Variants in OSBPL9 observed in about 807,000 individuals in gnomAD.
The protein encoded by OSBPL9 is oxysterol binding protein like 9.
Under a neutral mutation model 106.6 loss-of-function variants are expected in OSBPL9, and 40 were observed. The observed-to-expected ratio is 0.38, with a 90% CI of 0.29 to 0.49. The LOEUF (loss-of-function observed/expected upper bound fraction) is 0.49. Ranked by LOEUF, OSBPL9 falls within the 20% of genes least tolerant of loss-of-function variation. OSBPL9 has a pLI of 0.97. For synonymous variants in OSBPL9, 269 were observed against 295.4 expected, an observed-to-expected ratio of 0.91 and a Z score of 0.92; for missense variants, 609 against 887.2, an observed-to-expected ratio of 0.69 and a Z score of 3.98.
chr1:51,745,678 AC>A lies in OSBPL9; in HGVS notation c.414+48del, dbSNP rs1364244234. ...TAAATTTATATAAATAGAAAATGTTACTGAGCTTGATTTTTGAGTAAAAACA... is the reference window on the plus strand; with the variant it reads ...TAAATTTATATAAATAGAAAATGTTATGAGCTTGATTTTTGAGTAAAAACA... On this transcript the variant is annotated intron_variant, in intron 5 of 23. Transcript: ENST00000428468. The A allele has an allele frequency of 4.2e-6, 6 of 1,427,240 alleles. No homozygotes were observed. In the Admixed American group the frequency reaches 9.3e-5, roughly 22 times the overall value. The allele number at this position is 1,427,240 out of a possible 1,614,324, so 88.4% of individuals were successfully genotyped here.
At chr1:51,584,197 A>G (rs1263172621) in intron 1 of OSBPL9, among the ~76,000 whole-genome samples, 1 of 152,082 alleles carries the variant, frequency 6.6e-6, no homozygotes. Context: ...AAGGTCTGGG[A>G]TTCCAAAACG....
chr1:51,525,009 A>G, the OSBPL9 span, among the ~76,000 whole-genome samples: 5 of 152,240 alleles, frequency 3.3e-5, no homozygotes, highest in Admixed American at 6.5e-5. Context: ...AAGTCAGAGG[A>G]TGGGCTGCAG....
At chr1:51,653,722 G>A (rs1396974515) in intron 2 of OSBPL9, among the ~76,000 whole-genome samples, 1 of 152,166 alleles carries the variant, frequency 6.6e-6, no homozygotes, top group Non-Finnish European at 1.5e-5. Context: ...GGACCGGCTG[G>A]GTGCTGGAGC....
intron 2 of OSBPL9, among the ~76,000 whole-genome samples, chr1:51,603,678 A>G (rs1027128540): frequency 2.0e-5 from 3 of 152,196 alleles, no homozygotes; most frequent in Admixed American, 6.5e-5. Context: ...AGATACTAGT[A>G]GTTAATATAT....
rs1292117134 is a variant in OSBPL9, at chr1:51,682,829, A to AT, written c.241+13333dup. On this transcript the variant is annotated intron_variant, in intron 3 of 23. Transcript: ENST00000428468. ...CTCTTCAACTTTATTTTCCTTTCTA[A>AT]TTTTTTTTTTTTTTTTGGCTAGGAG... Among the ~76,000 whole-genome samples the AT allele has an allele frequency of 9.4e-3, 1,332 of 142,008 alleles. 11 individuals carry two copies. Among genetic ancestry groups the AT allele is most frequent in the African/African-American group, 0.023 (891 of 38,830 alleles). The allele number at this position is 142,008 out of a possible 152,430, so 93.2% of individuals were successfully genotyped here.
At chr1:51,711,198 GC>G (rs1189646644) in intron 3 of OSBPL9, among the ~76,000 whole-genome samples, 2 of 151,096 alleles carry the variant, frequency 1.3e-5, no homozygotes, top group Non-Finnish European at 3.0e-5. Context: ...CGTCATCCTG[GC>G]CCGTTCTCAA....
chr1:51,562,072 T>C, the OSBPL9 span: 1 of 152,192 alleles, frequency 6.6e-6, no homozygotes, highest in South Asian at 2.1e-4. Flanking sequence ...TAGTATTTTG[T>C]CATTCTTCTG....
intron 20 of OSBPL9, chr1:51,784,882 T>C (rs1414176175): frequency 2.8e-6 from 1 of 359,928 alleles, no homozygotes; most frequent in Admixed American, 4.4e-5. Flanking sequence ...CCCTAATTTA[T>C]TCTTGCCAGA....
the OSBPL9 span, among the ~76,000 whole-genome samples, chr1:51,532,001 T>A: frequency 1.3e-5 from 2 of 151,698 alleles, no homozygotes; most frequent in African/African-American, 4.9e-5. Flanking sequence ...AAGGAAGGAG[T>A]GAGAAAGCAT....
At chr1:51,572,755 C>T (rs1219047737), upstream of OSBPL9, among the ~76,000 whole-genome samples, 8 of 152,080 alleles carry the variant, frequency 5.3e-5, no homozygotes, top group East Asian at 1.9e-4. Flanking sequence ...GGAAGACTAA[C>T]GGGGATTTGT....
chr1:51,692,099 G>A lies in OSBPL9; in HGVS notation c.242-21904G>A, dbSNP rs970823798. On this transcript the variant is annotated intron_variant, in intron 3 of 23. Coordinates refer to ENST00000428468, the MANE Select transcript of OSBPL9 (RefSeq NM_024586.6). ...AGGCAGGAGGATTGCTTGAGTCCACGAGTTTGAGATCAGCCTGGGCAACAT... is the reference window on the plus strand; with the variant it reads ...AGGCAGGAGGATTGCTTGAGTCCACAAGTTTGAGATCAGCCTGGGCAACAT... Among the ~76,000 whole-genome samples the A allele has an allele frequency of 2.6e-5, 4 of 152,162 alleles. No individual in the cohort carries two copies. In the South Asian group the frequency reaches 6.2e-4, roughly 24 times the overall value.
chr1:51,725,914 T>G (rs1434728966), intron 4 of OSBPL9, among the ~76,000 whole-genome samples: 2 of 152,190 alleles, frequency 1.3e-5, no homozygotes, highest in Admixed American at 6.5e-5. Flanking sequence ...CAGGTTTCCC[T>G]ACCACCCGTG....
At position 51,778,360 on chromosome 1, in the gene OSBPL9, A is replaced by T. The variant is rs184284788; in HGVS notation, c.1256+1442A>T. Reference sequence around the variant, plus strand: ...ACTCCATTTAATGTCAGACTGGATTAAAAAAGCAGGATTTATCTATATGAT... The same window carrying T: ...ACTCCATTTAATGTCAGACTGGATTTAAAAAGCAGGATTTATCTATATGAT... On this transcript the variant is annotated intron_variant, in intron 15 of 23. Coordinates refer to ENST00000428468, the MANE Select transcript of OSBPL9 (RefSeq NM_024586.6). Among the ~76,000 whole-genome samples the T allele has an allele frequency of 5.0e-3, 764 of 152,294 alleles. 2 individuals carry two copies. Among genetic ancestry groups the T allele is most frequent in the Non-Finnish European group, 7.5e-3 (507 of 68,016 alleles).
At chr1:51,668,125 A>G (rs115386283) in intron 2 of OSBPL9, among the ~76,000 whole-genome samples, 3 of 152,136 alleles carry the variant, frequency 2.0e-5, no homozygotes, top group African/African-American at 7.2e-5. Context: ...CTCCCTTGTC[A>G]AGGTCTCTGG....
chr1:51,753,237 G>A (rs1473505918), intron 8 of OSBPL9, among the ~76,000 whole-genome samples: 1 of 152,030 alleles, frequency 6.6e-6, no homozygotes, highest in African/African-American at 2.4e-5. Context: ...GTGGATTATG[G>A]CCCCCAGACT....
chr1:51,575,362 G>A (rs559211723), upstream of OSBPL9, among the ~76,000 whole-genome samples: 10 of 147,408 alleles, frequency 6.8e-5, no homozygotes, highest in East Asian at 3.9e-4. Flanking sequence ...CACCTCACCC[G>A]GCTAATTTTT....
At chr1:51,523,177 A>G in the OSBPL9 span, among the ~76,000 whole-genome samples, 5 of 152,202 alleles carry the variant, frequency 3.3e-5, no homozygotes, top group Admixed American at 3.3e-4. Context: ...TGTCATTGAA[A>G]AAGTAGATGT....
intron 1 of OSBPL9, among the ~76,000 whole-genome samples, chr1:51,625,790 C>T (rs952389316): frequency 5.3e-5 from 8 of 152,122 alleles, no homozygotes; most frequent in Non-Finnish European, 1.0e-4. Flanking sequence ...TCCCAAAGTG[C>T]TGTGATTATA....
Position 51,788,348 on chromosome 1 carries a change from A to ATAAC in OSBPL9, c.*561_*564dup, listed in dbSNP as rs754100251. 6.5e-6 allele frequency: 1 copy of ATAAC among 152,692 alleles called. No individual in the cohort carries two copies. Among genetic ancestry groups the ATAAC allele is most frequent in the African/African-American group, 2.4e-5 (1 of 41,462 alleles). 9.5% of individuals were successfully genotyped at this position (152,692 alleles called of 1,614,324 possible). On this transcript the variant is annotated 3_prime_UTR_variant, in exon 24 of 24. Coordinates refer to ENST00000428468, the MANE Select transcript of OSBPL9 (RefSeq NM_024586.6). The stretch of plus-strand genomic sequence containing the variant: ...AGGAAATTTCATGGTCTTACCTACA[A>ATAAC]TAACTTTTATTTTGGAATTGAACTA...
Sources: gnomAD v4.1 joint callset for allele counts (sites outside exome capture counted in the v4.1 genomes callset) on GRCh38, gnomAD v4.1.1 for gene constraint, MANE v1.5 for transcripts, NCBI Gene and HGNC (gene_info 2026-07-23, HGNC 2026-07-21) for gene names.